Variants in MRPS21 observed in about 807,000 individuals in gnomAD.
MRPS21 encodes mitochondrial ribosomal protein S21, also known as small ribosomal subunit protein bS21m.
MRPS21 carries 8 observed loss-of-function variants against 9.9 expected under a neutral mutation model. That is an observed-to-expected ratio of 0.81 (90% CI 0.47 to 1.45). The LOEUF (loss-of-function observed/expected upper bound fraction) is 1.45, where lower values mean the gene tolerates loss of function less well. Ranked by LOEUF, MRPS21 falls within the 40% of genes most tolerant of loss-of-function variation. The pLI, the probability that MRPS21 is intolerant of heterozygous loss-of-function variation, is 0.00. For synonymous variants in MRPS21, 40 were observed against 40.3 expected, an observed-to-expected ratio of 0.99 and a Z score of 0.03; for missense variants, 101 against 118.9, an observed-to-expected ratio of 0.85 and a Z score of 0.70.
intron 2 of MRPS21, 120 bp from the exon 3 acceptor site, chr1:150,307,928 C>T: frequency 1.0e-6 from 1 of 1,003,916 alleles, no homozygotes; most frequent in Non-Finnish European, 1.4e-6. Context: ...TCTATTGCCA[C>T]CATTTCCCAC....
At chr1:150,306,919 G>A (rs1654354974) in intron 2 of MRPS21, among the ~76,000 whole-genome samples, 1 of 152,150 alleles carries the variant, frequency 6.6e-6, no homozygotes, top group Non-Finnish European at 1.5e-5. Context: ...TTGCTGTAGG[G>A]AGACATGTTC....
chr1:150,300,870 T>TTA (rs1359974989), intron 2 of MRPS21, among the ~76,000 whole-genome samples: 9 of 152,062 alleles, frequency 5.9e-5, no homozygotes, highest in African/African-American at 2.2e-4. Flanking sequence ...AGAATTATAT[T>TTA]CTTTTCTTTT....
intron 2 of MRPS21, among the ~76,000 whole-genome samples, chr1:150,295,378 T>C (rs11205357): frequency 0.69 from 104,802 of 152,016 alleles, 37,113 homozygotes; most frequent in African/African-American, 0.86. Context: ...CTGGGTCTAG[T>C]GACGCACGCC....
In MRPS21 at chr1:150,308,513, T is replaced by C. The variant is rs1246806692; in HGVS notation, c.*285T>C. On this transcript the variant is annotated 3_prime_UTR_variant, in exon 3 of 3. Transcript: ENST00000614145. The stretch of plus-strand genomic sequence containing the variant: ...GAGTTATTGTTTAATGGGTACAGAG[T>C]TTCAGTTTGGGCAGATGAAAAAGTT... 8.3e-6 allele frequency: 2 copies of C among 242,160 alleles called. No homozygotes were observed. The highest frequency in any genetic ancestry group is 1.6e-5 in the Non-Finnish European group (2 of 124,258). The allele number at this position is 242,160 out of a possible 1,614,324, so 15.0% of individuals were successfully genotyped here.
In MRPS21 at chr1:150,308,944, TTG is replaced by T. The variant is rs2101915169; in HGVS notation, c.*720_*721del. 1 of 154,842 alleles carries T rather than the reference TTG, an allele frequency of 6.5e-6. No individual in the cohort carries two copies. Among genetic ancestry groups the T allele is most frequent in the Non-Finnish European group, 1.5e-5 (1 of 68,206 alleles). 9.6% of individuals were successfully genotyped at this position (154,842 alleles called of 1,614,324 possible). ...CCTTAAATGGTCACGATGGTAAATT[TTG>T]TGTTTTACTACAATAAAAACTTTTT... On this transcript the variant is annotated 3_prime_UTR_variant, in exon 3 of 3. Transcript: ENST00000614145.
intron 2 of MRPS21, among the ~76,000 whole-genome samples, chr1:150,306,810 A>T (rs1654348011): frequency 6.6e-6 from 1 of 152,088 alleles, no homozygotes; most frequent in Non-Finnish European, 1.5e-5. Context: ...AACTTTAAGT[A>T]AGAGAATCAC....
chr1:150,305,561 A>T (rs1302508874), intron 2 of MRPS21, among the ~76,000 whole-genome samples: 1 of 152,148 alleles, frequency 6.6e-6, no homozygotes, highest in Non-Finnish European at 1.5e-5. Context: ...GCATATACTT[A>T]AGTGTGACTA....
chr1:150,294,937 TG>T (rs1484675033), intron 2 of MRPS21, among the ~76,000 whole-genome samples: 4 of 149,650 alleles, frequency 2.7e-5, no homozygotes, highest in Middle Eastern at 3.2e-3. Context: ...CCTAACTGTA[TG>T]AATTGTATTC....
At chr1:150,294,559 T>C in intron 2 of MRPS21, 110 bp downstream of exon 2, 1 of 918,566 alleles carries the variant, frequency 1.1e-6, no homozygotes, top group Non-Finnish European at 1.7e-6. Context: ...GCCCAGGTGT[T>C]CACAGTCTCT....
chr1:150,299,103 C>CT (rs1654018345), intron 2 of MRPS21, among the ~76,000 whole-genome samples: 1 of 152,164 alleles, frequency 6.6e-6, no homozygotes, highest in African/African-American at 2.4e-5. Flanking sequence ...GTAATCCCAG[C>CT]TACTCCGTAG....
At position 150,296,916 on chromosome 1, in the gene MRPS21, C is replaced by G. The variant is rs587666118; in HGVS notation, c.83+2467C>G. On this transcript the variant is annotated intron_variant, in intron 2 of 2. Transcript: ENST00000614145. ...GTAGGGTTCTTGAGGACTGAGAGGG[C>G]AAAGGAAAGGGAACCTAGTTCTTAG... Among the ~76,000 whole-genome samples, 3 of 151,738 alleles carry G rather than the reference C, an allele frequency of 2.0e-5. No homozygotes were observed. The South Asian group carries it at 6.2e-4, about 32-fold the overall frequency.
intron 2 of MRPS21, among the ~76,000 whole-genome samples, chr1:150,303,241 G>A (rs1445714398): frequency 6.6e-6 from 1 of 152,004 alleles, no homozygotes; most frequent in Non-Finnish European, 1.5e-5. Flanking sequence ...GGTCTCTGTC[G>A]TTTTTATATT....
chr1:150,295,925 A>G (rs1245658354), intron 2 of MRPS21, among the ~76,000 whole-genome samples: 3 of 151,790 alleles, frequency 2.0e-5, no homozygotes, highest in African/African-American at 7.3e-5. Flanking sequence ...ATGCCAGGCT[A>G]AGAGATGTAG....
Position 150,308,247 on chromosome 1 carries a change from C to A in MRPS21, c.*19C>A. 6.3e-7 allele frequency: 1 copy of A among 1,578,138 alleles called. No homozygotes were observed. The highest frequency in any genetic ancestry group is 8.7e-7 in the Non-Finnish European group (1 of 1,151,186). The stretch of plus-strand genomic sequence containing the variant: ...CTGCTGAGGCCTGTGGGTGGGACAC[C>A]CAGTGCGAAACCCTCATCCAGTTTT... On this transcript the variant is annotated 3_prime_UTR_variant, in exon 3 of 3. Transcript: ENST00000614145.
chr1:150,296,789 A>G (rs1345782319), intron 2 of MRPS21, among the ~76,000 whole-genome samples: 1 of 152,114 alleles, frequency 6.6e-6, no homozygotes, highest in African/African-American at 2.4e-5. Flanking sequence ...GGAAAGACTT[A>G]TGGTGGTTCA....
At chr1:150,303,640 G>A (rs958340785) in intron 2 of MRPS21, among the ~76,000 whole-genome samples, 1 of 152,148 alleles carries the variant, frequency 6.6e-6, no homozygotes, top group Non-Finnish European at 1.5e-5. Flanking sequence ...TCTTGGGCGG[G>A]TCAGCCTCTC....
At chr1:150,296,332 T>C (rs587699494) in intron 2 of MRPS21, among the ~76,000 whole-genome samples, 1 of 152,336 alleles carries the variant, frequency 6.6e-6, no homozygotes, top group East Asian at 1.9e-4. Flanking sequence ...ATTTTGACTT[T>C]CTGGTATGAC....
In MRPS21 at chr1:150,308,344, C is replaced by G; in HGVS notation, c.*116C>G. ...TCTGCAATAAACTCAAATCACATGT[C>G]TGCAAGAAGGCCTCCAAATATAGAA... is the stretch of plus-strand genomic sequence containing the variant. On this transcript the variant is annotated 3_prime_UTR_variant, in exon 3 of 3. Transcript: ENST00000614145. The G allele has an allele frequency of 9.5e-7, 1 of 1,055,266 alleles. No homozygotes were observed. The highest frequency in any genetic ancestry group is 1.3e-6 in the Non-Finnish European group (1 of 754,748). 65.4% of individuals were successfully genotyped at this position (1,055,266 alleles called of 1,614,324 possible). A position where few individuals can be genotyped will look rare whatever the true frequency, so the allele number is the denominator to read the frequency against.
chr1:150,306,199 T>G (rs1654324653), intron 2 of MRPS21, among the ~76,000 whole-genome samples: 1 of 152,216 alleles, frequency 6.6e-6, no homozygotes, highest in Non-Finnish European at 1.5e-5. Flanking sequence ...CTTATTCACA[T>G]TTCAGATGAG....
Sources: gnomAD v4.1 joint callset for allele counts (sites outside exome capture counted in the v4.1 genomes callset) on GRCh38, gnomAD v4.1.1 for gene constraint, MANE v1.5 for transcripts, NCBI Gene and HGNC (gene_info 2026-07-23, HGNC 2026-07-21) for gene names.